The following AVEN variants were observed in gnomAD, a reference collection of about 807,000 sequenced individuals.
The protein encoded by AVEN is cell death regulator Aven.
AVEN carries 41 observed loss-of-function variants against 38.1 expected under a neutral mutation model. The observed-to-expected ratio is 1.08, with a 90% CI of 0.84 to 1.40. The LOEUF is 1.40. AVEN is among the 40% of genes most tolerant of loss of function. The pLI is 0.00. For synonymous variants in AVEN, 206 were observed against 171.8 expected, an observed-to-expected ratio of 1.20 and a Z score of -1.56; for missense variants, 605 against 438.8, an observed-to-expected ratio of 1.38 and a Z score of -3.38.
At chr15:33,957,967 A>C (rs1895019466) in intron 2 of AVEN, among the ~76,000 whole-genome samples, 1 of 152,196 alleles carries the variant, frequency 6.6e-6, no homozygotes, top group Non-Finnish European at 1.5e-5. Flanking sequence ...TCCTCACCCC[A>C]GATCTACTAA....
chr15:33,867,428 G>A, intron 5 of AVEN, 67 bp downstream of exon 5: 1 of 1,521,186 alleles, frequency 6.6e-7, no homozygotes, highest in African/African-American at 1.4e-5. Context: ...CGGATGTGAT[G>A]CGGGCGGGGC....
intron 2 of AVEN, among the ~76,000 whole-genome samples, chr15:33,954,455 T>A (rs1894881504): frequency 6.6e-6 from 1 of 152,170 alleles, no homozygotes; most frequent in Non-Finnish European, 1.5e-5. Context: ...ATATACATCA[T>A]GGAATACTAT....
chr15:34,003,332 G>A (rs531353766), intron 1 of AVEN, 123 bp from the exon 2 acceptor site: 53 of 774,610 alleles, frequency 6.8e-5, no homozygotes, highest in African/African-American at 6.7e-4. Flanking sequence ...GCTGTCTGAA[G>A]ATATTAAATA....
At chr15:34,054,003 A>T (rs1900039296) in intron 5 of AVEN, among the ~76,000 whole-genome samples, 1 of 152,168 alleles carries the variant, frequency 6.6e-6, no homozygotes, top group African/African-American at 2.4e-5. Flanking sequence ...CCCCATCAAA[A>T]AGTGGGCAAA....
At chr15:34,015,052 T>G (rs1053208616) in intron 1 of AVEN, among the ~76,000 whole-genome samples, 4 of 152,080 alleles carry the variant, frequency 2.6e-5, no homozygotes, top group African/African-American at 9.7e-5. Flanking sequence ...AAAGCTGTCC[T>G]TAACAGTGTG....
Position 33,955,297 on chromosome 15 carries a change from T to A in AVEN, c.445+47735A>T, listed in dbSNP as rs545611625. Among the ~76,000 whole-genome samples the A allele has an allele frequency of 2.0e-5, 3 of 152,262 alleles. 1 individual carries two copies. The South Asian group carries it at 6.2e-4, about 32-fold the overall frequency. On this transcript the variant is annotated intron_variant, in intron 2 of 5. Transcript: ENST00000306730. ...AAAAATCTAGATAGCAACCAAATTG[T>A]GAGTGAGAAGGAAAATGTAAATCAA...
intron 2 of AVEN, among the ~76,000 whole-genome samples, chr15:33,980,409 G>A (rs1336638129): frequency 6.6e-6 from 1 of 152,196 alleles, no homozygotes; most frequent in East Asian, 1.9e-4. Context: ...ACTTACGCAA[G>A]GCTGTTATAG....
chr15:33,974,664 G>A (rs939764443), intron 2 of AVEN, among the ~76,000 whole-genome samples: 2 of 152,116 alleles, frequency 1.3e-5, no homozygotes, highest in African/African-American at 2.4e-5. Context: ...TGATGTTGGC[G>A]TGCACAACTT....
intron 2 of AVEN, among the ~76,000 whole-genome samples, chr15:33,918,457 GCTT>G (rs1893247225): frequency 8.9e-6 from 1 of 112,170 alleles, no homozygotes; most frequent in Non-Finnish European, 1.7e-5. Context: ...TTAAATTACA[GCTT>G]TTTTTTTTTT....
intron 2 of AVEN, among the ~76,000 whole-genome samples, chr15:33,962,649 C>T (rs1895232521): frequency 7.0e-6 from 1 of 143,574 alleles, no homozygotes; most frequent in African/African-American, 2.5e-5. Context: ...AAAAACATAA[C>T]AAATCACTAA....
At chr15:33,919,102 T>C (rs1320885150) in intron 2 of AVEN, among the ~76,000 whole-genome samples, 7 of 151,940 alleles carry the variant, frequency 4.6e-5, no homozygotes, top group Admixed American at 4.6e-4. Flanking sequence ...TTTGTATTTT[T>C]AGTAGACACA....
chr15:33,909,518 A>G (rs1185287487), intron 2 of AVEN, among the ~76,000 whole-genome samples: 1 of 152,208 alleles, frequency 6.6e-6, no homozygotes, highest in South Asian at 2.1e-4. Context: ...GTAGTAAGGA[A>G]GAAAACTGTC....
downstream of AVEN, among the ~76,000 whole-genome samples, chr15:33,863,301 TC>T (rs1319971510): frequency 3.3e-5 from 5 of 152,210 alleles, no homozygotes; most frequent in African/African-American, 1.2e-4. Context: ...CTACTGTCTT[TC>T]TCAGTAAATG....
rs913060981 is a variant in AVEN at position 33,938,834 on chromosome 15, C to CT, written c.446-62840dup. ...ATCAGATACACCTATTTCTTTCTTC[C>CT]TTTTTTTTTGTGGGGGATTGGCGGG... On this transcript the variant is annotated intron_variant, in intron 2 of 5. Transcript: ENST00000306730. Among the ~76,000 whole-genome samples, 11 of 151,368 alleles carry CT rather than the reference C, an allele frequency of 7.3e-5. No homozygotes were observed. In the South Asian group the frequency reaches 1.3e-3, roughly 17 times the overall value.
At chr15:34,034,648 G>A (rs1899032469) in intron 1 of AVEN, among the ~76,000 whole-genome samples, 1 of 152,138 alleles carries the variant, frequency 6.6e-6, no homozygotes, top group Non-Finnish European at 1.5e-5. Flanking sequence ...AAAAAGTTCA[G>A]TTGTCTGTGT....
chr15:33,864,061 CCCTGATCACAGTTAATCCATGCGAATGA>C, downstream of AVEN: 2 of 1,094,648 alleles, frequency 1.8e-6, no homozygotes, highest in Non-Finnish European at 1.4e-6. Context: ...CCTTTCTGAG[CCCTGATCACAGTTAATCCATGCGAATGA>C]ACTTGGGTCT....
At chr15:34,037,231 C>A (rs1899184632) in intron 1 of AVEN, among the ~76,000 whole-genome samples, 1 of 152,050 alleles carries the variant, frequency 6.6e-6, no homozygotes, top group Non-Finnish European at 1.5e-5. Context: ...AAGTCCTGTG[C>A]GCCAGACACC....
intron 5 of AVEN, among the ~76,000 whole-genome samples, chr15:34,057,240 G>A (rs1415594238): frequency 6.6e-6 from 1 of 151,226 alleles, no homozygotes; most frequent in Non-Finnish European, 1.5e-5. Context: ...AGGTTCAAGC[G>A]ATTCTCCTGC....
chr15:33,950,218 A>G (rs1188747768), intron 2 of AVEN, among the ~76,000 whole-genome samples: 1 of 152,206 alleles, frequency 6.6e-6, no homozygotes, highest in African/African-American at 2.4e-5. Context: ...TGTGAGGGAA[A>G]TGGGGAGATG....
Sources: gnomAD v4.1 joint callset for allele counts (sites outside exome capture counted in the v4.1 genomes callset) on GRCh38, gnomAD v4.1.1 for gene constraint, MANE v1.5 for transcripts, NCBI Gene and HGNC (gene_info 2026-07-23, HGNC 2026-07-21) for gene names.